LHCGR: variants seen among roughly 807,000 people sequenced by gnomAD.
LHCGR encodes lutropin-choriogonadotropic hormone receptor.
A neutral mutation model predicts 60.7 loss-of-function variants in LHCGR; 55 were observed. The observed-to-expected ratio is 0.91, with a 90% confidence interval of 0.73 to 1.13. LHCGR has a LOEUF of 1.13. Ranked by LOEUF, LHCGR falls within the 50% of genes most tolerant of loss-of-function variation. LHCGR has a pLI of 0.00. For missense variants in LHCGR, 862 were observed against 836.0 expected (o/e 1.03, Z -0.38); for synonymous variants, 337 against 316.5 (o/e 1.06, Z -0.69).
intron 4 of LHCGR, among the ~76,000 whole-genome samples, chr2:48,723,912 A>G (rs1199639317): frequency 1.3e-5 from 2 of 152,236 alleles, no homozygotes; most frequent in African/African-American, 2.4e-5. Context: ...AGATGCTTTA[A>G]TGACTGCTAT....
At chr2:48,694,741 C>A (rs981433144) in intron 9 of LHCGR, among the ~76,000 whole-genome samples, 3 of 152,072 alleles carry the variant, frequency 2.0e-5, no homozygotes, top group African/African-American at 7.2e-5. Context: ...GATGCTGGAC[C>A]TGACATTATG....
At chr2:48,722,587 C>T (rs538258928) in intron 6 of LHCGR, among the ~76,000 whole-genome samples, 1 of 152,096 alleles carries the variant, frequency 6.6e-6, no homozygotes, top group Non-Finnish European at 1.5e-5. Flanking sequence ...CGTGACATCT[C>T]CCTGCTCTCT....
intron 6 of LHCGR, 88 bp downstream of exon 6, chr2:48,723,368 G>C (rs1171842293): frequency 2.2e-6 from 2 of 911,298 alleles, no homozygotes; most frequent in East Asian, 2.5e-5. Flanking sequence ...GAGGAATGTG[G>C]TAAAACATGA....
At chr2:48,750,052 G>T (rs1009173679) in intron 1 of LHCGR, among the ~76,000 whole-genome samples, 1 of 152,212 alleles carries the variant, frequency 6.6e-6, no homozygotes, top group African/African-American at 2.4e-5. Context: ...TCAACCTTGG[G>T]CCTTTGTTTC....
At chr2:48,721,651 A>T (rs993585777) in intron 6 of LHCGR, 1 of 468,982 alleles carries the variant, frequency 2.1e-6, no homozygotes, top group African/African-American at 2.0e-5. Flanking sequence ...TATAAAAGAG[A>T]GTCCTCTGAG....
At chr2:48,712,576 T>C (rs1251034705) in intron 7 of LHCGR, among the ~76,000 whole-genome samples, 1 of 152,148 alleles carries the variant, frequency 6.6e-6, no homozygotes, top group Non-Finnish European at 1.5e-5. Context: ...CACCCCATGA[T>C]AGGAGAACAA....
At chr2:48,691,495 G>A (rs1448940002) in intron 10 of LHCGR, among the ~76,000 whole-genome samples, 1 of 152,102 alleles carries the variant, frequency 6.6e-6, no homozygotes. Context: ...TCTTTAAAGG[G>A]AGGAGATGGT....
rs75606088 is a variant in LHCGR, at chr2:48,719,564, C to G, written c.536+3892G>C. Among the ~76,000 whole-genome samples, 50 of 152,284 alleles carry G rather than the reference C, an allele frequency of 3.3e-4. No individual in the cohort carries two copies. In the East Asian group the frequency reaches 9.6e-3, roughly 29 times the overall value. The stretch of plus-strand genomic sequence containing the variant: ...TTGAAGGTGGCACAGCTAAATTCTG[C>G]TTATTTGGGAAGGAGGGGCATTTCA... On this transcript the variant is annotated intron_variant, in intron 6 of 10. Transcript: ENST00000294954.
chr2:48,702,487 C>A lies in LHCGR; in HGVS notation c.681-3687G>T, dbSNP rs530736899. Among the ~76,000 whole-genome samples, 309 of 152,190 alleles carry A rather than the reference C, an allele frequency of 2.0e-3. 1 individual carries two copies. Among genetic ancestry groups the A allele is most frequent in the Admixed American group, 3.9e-3 (60 of 15,284 alleles). ...TCGATGTGTTCTCATTGATCAACTC[C>A]CACTTATGAGTGAGAACATGCGGTG... On this transcript the variant is annotated intron_variant, in intron 8 of 10. Transcript: ENST00000294954.
intron 8 of LHCGR, among the ~76,000 whole-genome samples, chr2:48,706,201 T>A (rs1238161617): frequency 1.3e-5 from 2 of 152,236 alleles, no homozygotes; most frequent in Non-Finnish European, 2.9e-5. Context: ...TTCTTTTCTT[T>A]AAGAATGTTG....
intron 7 of LHCGR, among the ~76,000 whole-genome samples, chr2:48,709,362 C>T (rs1035984812): frequency 3.3e-5 from 5 of 152,150 alleles, no homozygotes; most frequent in Non-Finnish European, 1.5e-5. Context: ...TCCAAGAGGC[C>T]AAGACTGAAC....
Position 48,688,119 on chromosome 2 carries a change from C to A in LHCGR, c.1678G>T (p.Ala560Ser). The change falls in exon 11 of 11, where the codon GCT becomes TCT. Residue 560 changes from alanine (A) to serine (S), a missense_variant. Transcript: ENST00000294954. The surrounding 1 kb of genome is among the most constrained non-coding windows in gnomAD (Gnocchi z 5.2). ...GCAATCTTTGTATCTTTATTGGTAG[C>A]CATTAATTCTGGGTTTCGAACTGCA... is the stretch of plus-strand genomic sequence containing the variant. ...YFAVRNPELM[A>S]TNKDTKIAKK... 1 of 1,614,022 alleles carries A rather than the reference C, an allele frequency of 6.2e-7. No homozygotes were observed. Among genetic ancestry groups the A allele is most frequent in the Non-Finnish European group, 8.5e-7 (1 of 1,180,014 alleles).
At chr2:48,723,282 A>G (rs1195544947) in intron 6 of LHCGR, among the ~76,000 whole-genome samples, 174 bp downstream of exon 6, 1 of 152,192 alleles carries the variant, frequency 6.6e-6, no homozygotes, top group African/African-American at 2.4e-5. Flanking sequence ...TCATGTGAAC[A>G]TATGACCCAG....
chr2:48,745,809 C>A (rs1482382071), intron 1 of LHCGR, among the ~76,000 whole-genome samples: 2 of 150,658 alleles, frequency 1.3e-5, no homozygotes, highest in South Asian at 4.2e-4. Context: ...AACTAACCTG[C>A]ATGTTGTGCA....
At chr2:48,692,772 T>C (rs1666918188) in intron 10 of LHCGR, among the ~76,000 whole-genome samples, 2 of 152,200 alleles carry the variant, frequency 1.3e-5, no homozygotes, top group Non-Finnish European at 1.5e-5. Context: ...CTAGAATTTC[T>C]AAACTCTAGG....
At chr2:48,753,625 A>T (rs145716259) in intron 1 of LHCGR, among the ~76,000 whole-genome samples, 5,854 of 151,278 alleles carry the variant, frequency 0.039, 186 homozygotes, top group Non-Finnish European at 0.057. Context: ...TGGGATTTTT[A>T]AAAAAAATTT....
chr2:48,694,903 A>T (rs1159436507), intron 9 of LHCGR, among the ~76,000 whole-genome samples: 3 of 152,158 alleles, frequency 2.0e-5, no homozygotes, highest in Non-Finnish European at 2.9e-5. Flanking sequence ...GGGAGCACTT[A>T]CCTAGAGATG....
chr2:48,687,621 G>A lies in LHCGR; in HGVS notation c.*76C>T. 8.1e-7 allele frequency: 1 copy of A among 1,240,032 alleles called. No individual in the cohort carries two copies. The highest frequency in any genetic ancestry group is 1.2e-6 in the Non-Finnish European group (1 of 844,488). The allele number at this position is 1,240,032 out of a possible 1,614,324, so 76.8% of individuals were successfully genotyped here. On this transcript the variant is annotated 3_prime_UTR_variant, in exon 11 of 11. Transcript: ENST00000294954. ...TAATTTCCTAAATCCAACCCTTTAT[G>A]TTAAAATTACTGGTACAGGTAATTT...
chr2:48,701,411 C>A (rs781250836), intron 8 of LHCGR, among the ~76,000 whole-genome samples: 2 of 152,174 alleles, frequency 1.3e-5, no homozygotes, highest in African/African-American at 2.4e-5. Flanking sequence ...CCATATTGGC[C>A]TCCTTGCTGT....
Sources: allele counts gnomAD v4.1 joint callset (sites outside exome capture counted in the v4.1 genomes callset), GRCh38; gene constraint gnomAD v4.1.1; non-coding constraint Gnocchi (gnomAD v3.1); transcripts MANE v1.5; gene names NCBI Gene and HGNC (gene_info 2026-07-23, HGNC 2026-07-21).